The following ZNF117 variants were observed in gnomAD, a reference collection of about 807,000 sequenced individuals.
The protein encoded by ZNF117 is zinc finger protein 117.
A neutral mutation model predicts 41.2 loss-of-function variants in ZNF117; 37 were observed. The ratio of observed to expected loss-of-function variants is 0.90; its 90% CI spans 0.69 to 1.18. The LOEUF (loss-of-function observed/expected upper bound fraction) is 1.18. ZNF117 is among the 50% of genes most tolerant of loss of function. ZNF117 has a pLI of 0.00. For synonymous variants in ZNF117, 186 were observed against 186.6 expected (o/e 1.00, Z 0.02); for missense variants, 546 against 557.5 (o/e 0.98, Z 0.21).
chr7:64,981,482 C>T (rs1172231479), exon 2 of ZNF117: 5 of 1,577,476 alleles, frequency 3.2e-6, no homozygotes, highest in Non-Finnish European at 4.4e-6. Flanking sequence ...GACAGCAATA[C>T]CTGTTTTATT....
intron 1 of ZNF117, among the ~76,000 whole-genome samples, chr7:64,987,828 GAAA>G (rs71061345): frequency 0.039 from 5,281 of 136,784 alleles, 161 homozygotes; most frequent in East Asian, 0.15. Context: ...CCACAAAAAG[GAAA>G]AAAAAAAAAA....
upstream of ZNF117, among the ~76,000 whole-genome samples, chr7:64,983,644 T>C (rs1487161593): frequency 6.6e-6 from 1 of 152,126 alleles, no homozygotes; most frequent in Non-Finnish European, 1.5e-5. Context: ...GATGAGATTC[T>C]ATGGACAAAT....
At chr7:64,982,418 A>G (rs1168099267), upstream of ZNF117, among the ~76,000 whole-genome samples, 2 of 152,234 alleles carry the variant, frequency 1.3e-5, no homozygotes, top group African/African-American at 2.4e-5. Flanking sequence ...TTTAAATGCT[A>G]TATCTGCATC....
upstream of ZNF117, among the ~76,000 whole-genome samples, chr7:64,983,648 G>A (rs1010758019): frequency 3.3e-5 from 5 of 152,000 alleles, no homozygotes; most frequent in African/African-American, 4.8e-5. Context: ...AGATTCTATG[G>A]ACAAATTACA....
intron 1 of ZNF117, among the ~76,000 whole-genome samples, chr7:64,988,021 G>C (rs1224500649): frequency 1.3e-5 from 2 of 151,976 alleles, no homozygotes; most frequent in Non-Finnish European, 2.9e-5. Context: ...AATTCTACCA[G>C]ATGTACAAAG....
rs563254522 is a variant in ZNF117 at position 64,982,031 on chromosome 7, C to T, written c.-110G>A. On this transcript the variant is annotated 5_prime_UTR_variant, in exon 1 of 3. It removes the in-frame stop codon of an upstream open reading frame in the 5' UTR. Transcript: ENST00000620222. ...TCTGTAGTTCTCTCACATCACATGC[C>T]TATATAAATTCTGCTGTGCAGTGTC... is the stretch of plus-strand genomic sequence containing the variant. 1,017 of 826,588 alleles carry T rather than the reference C, an allele frequency of 1.2e-3. 14 individuals are homozygous for T. The South Asian group carries it at 0.013, about 11-fold the overall frequency. 51.2% of individuals were successfully genotyped at this position (826,588 alleles called of 1,614,324 possible). A position where few individuals can be genotyped will look rare whatever the true frequency, so the allele number is the denominator to read the frequency against.
exon 3 of ZNF117, chr7:64,974,648 G>T (rs949848627): frequency 7.2e-5 from 11 of 151,816 alleles, no homozygotes; most frequent in Admixed American, 7.2e-4. Context: ...ATTCTGTTAT[G>T]TTTGCAGGCA....
chr7:64,983,798 T>C (rs745474194), upstream of ZNF117, among the ~76,000 whole-genome samples: 9 of 152,172 alleles, frequency 5.9e-5, no homozygotes, highest in Non-Finnish European at 1.0e-4. Context: ...GGGATAGTAA[T>C]GGGGCCTCTA....
chr7:64,984,952 G>A (rs1007053147), upstream of ZNF117, among the ~76,000 whole-genome samples: 1 of 151,834 alleles, frequency 6.6e-6, no homozygotes, highest in African/African-American at 2.4e-5. Flanking sequence ...CACCACGCCC[G>A]GCTAATTTTT....
chr7:64,978,081 C>A (rs1584046090), exon 3 of ZNF117: 7 of 1,589,480 alleles, frequency 4.4e-6, no homozygotes, highest in African/African-American at 1.3e-5. Flanking sequence ...AGGTTTCTCT[C>A]CAGTATGAAT....
exon 1 of ZNF117, chr7:64,990,312 G>A (rs959100082): frequency 1.9e-5 from 3 of 153,872 alleles, no homozygotes; most frequent in Non-Finnish European, 2.9e-5. Flanking sequence ...CAGAGAAAAA[G>A]GAATGCTTAT....
chr7:64,978,038 G>T, exon 3 of ZNF117: 5 of 1,441,352 alleles, frequency 3.5e-6, no homozygotes, highest in Non-Finnish European at 4.8e-6. Flanking sequence ...TTGAGAAATG[G>T]TTAGAAGTTT....
exon 3 of ZNF117, chr7:64,978,550 C>G (rs759946726): frequency 1.4e-5 from 23 of 1,612,922 alleles, no homozygotes; most frequent in Non-Finnish European, 1.7e-5. Flanking sequence ...TGGTTAAAAG[C>G]TTTGCCACAT....
At chr7:64,985,950 C>CAAAAAAAAAAAAAAAAAAAAA (rs66524694), upstream of ZNF117, among the ~76,000 whole-genome samples, 1 of 82,174 alleles carries the variant, frequency 1.2e-5, no homozygotes, top group Non-Finnish European at 2.2e-5. Flanking sequence ...GACTCCATCT[C>CAAAAAAAAAAAAAAAAAAAAA]AAAAAAAAAA....
At chr7:64,983,208 C>A (rs938893399), upstream of ZNF117, among the ~76,000 whole-genome samples, 1 of 152,128 alleles carries the variant, frequency 6.6e-6, no homozygotes, top group Non-Finnish European at 1.5e-5. Flanking sequence ...AGAGATGGTA[C>A]CTCAACGTTA....
At chr7:64,977,509 T>C (rs1407499583) in exon 3 of ZNF117, 2 of 517,060 alleles carry the variant, frequency 3.9e-6, no homozygotes, top group African/African-American at 2.0e-5. Context: ...TGAATTCTTT[T>C]ATGTATAGTA....
At chr7:64,981,278 G>A in intron 2 of ZNF117, 109 bp downstream of exon 3, 1 of 1,422,612 alleles carries the variant, frequency 7.0e-7, no homozygotes, top group East Asian at 2.3e-5. Flanking sequence ...GGGCTTTCCA[G>A]AAACTATTTC....
chr7:64,976,623 G>A (rs1402952770), exon 3 of ZNF117: 3 of 264,060 alleles, frequency 1.1e-5, no homozygotes, highest in African/African-American at 2.3e-5. Context: ...AAAATTAAAA[G>A]TTTTGCCACA....
Position 64,989,543 on chromosome 7 carries a change from C to A in ZNF117, c.-196+404G>T, listed in dbSNP as rs567333255. On this transcript the variant is annotated intron_variant, in intron 1 of 3. Transcript: ENST00000282869. ...GAAAATAACCTAGAAAATTCTAAGA[C>A]ATAAAAACTGGCAAAGATTTTATGA... 1.9e-4 allele frequency among the ~76,000 whole-genome samples: 25 copies of A among 130,358 alleles called. No individual in the cohort carries two copies. In the East Asian group the frequency reaches 6.0e-3, roughly 31 times the overall value. The allele number at this position is 130,358 out of a possible 152,430, so 85.5% of individuals were successfully genotyped here.
Sources: gnomAD v4.1 joint callset for allele counts (sites outside exome capture counted in the v4.1 genomes callset) on GRCh38, gnomAD v4.1.1 for gene constraint, MANE v1.5 for transcripts, NCBI Gene and HGNC (gene_info 2026-07-23, HGNC 2026-07-21) for gene names.